Variants in SNAP91 observed in about 807,000 individuals in gnomAD.
SNAP91 encodes the protein clathrin coat assembly protein AP180.
In SNAP91, 27 loss-of-function variants were observed where a neutral mutation model predicts 100.3. The observed-to-expected ratio is 0.27, with a 90% confidence interval of 0.20 to 0.37. The LOEUF (loss-of-function observed/expected upper bound fraction) is 0.37. Among genes scored for constraint, SNAP91 ranks in the 10% least tolerant of loss-of-function variants. SNAP91 has a pLI of 1.00. For missense variants in SNAP91, 986 were observed against 1,123.7 expected, an observed-to-expected ratio of 0.88 and a Z score of 1.75; for synonymous variants, 404 against 398.6, an observed-to-expected ratio of 1.01 and a Z score of -0.16.
At chr6:83,565,099 T>C (rs1794747542) in intron 26 of SNAP91, among the ~76,000 whole-genome samples, 1 of 151,512 alleles carries the variant, frequency 6.6e-6, no homozygotes, top group Admixed American at 6.6e-5. Context: ...CTAAGGATGT[T>C]ATAGGGTAGC....
chr6:83,560,357 A>C (rs1785176623), intron 27 of SNAP91, 149 bp from the exon 28 acceptor site: 1 of 649,338 alleles, frequency 1.5e-6, no homozygotes, highest in Non-Finnish European at 2.7e-6. Context: ...ATTAGGGATA[A>C]TGTGAGGCTG....
At chr6:83,601,213 A>T in intron 16 of SNAP91, 58 bp downstream of exon 16, 1 of 1,574,040 alleles carries the variant, frequency 6.4e-7, no homozygotes. Flanking sequence ...AAAGACCTTA[A>T]CTCCCAAGTA....
intron 10 of SNAP91, 38 bp from the exon 11 acceptor site, chr6:83,614,900 G>C (rs775512880): frequency 1.3e-6 from 2 of 1,549,384 alleles, no homozygotes; most frequent in Non-Finnish European, 1.8e-6. Context: ...ACAAAGAAGA[G>C]AATAGTTAAC....
At chr6:83,586,922 C>T (rs1301114681) in intron 22 of SNAP91, among the ~76,000 whole-genome samples, 1 of 151,790 alleles carries the variant, frequency 6.6e-6, no homozygotes, top group Non-Finnish European at 1.5e-5. Flanking sequence ...ACTGCATGCA[C>T]CAAACACCTT....
chr6:83,613,830 T>G (rs564257518), intron 11 of SNAP91, among the ~76,000 whole-genome samples: 1 of 152,230 alleles, frequency 6.6e-6, no homozygotes, highest in Non-Finnish European at 1.5e-5. Flanking sequence ...CATTTACATA[T>G]AGACAATATT....
rs747428612 is a variant in SNAP91 at position 83,610,710 on chromosome 6, AATATATATATAT to A, written c.885-45_885-34del. 17 of 211,562 alleles carry A rather than the reference AATATATATATAT, an allele frequency of 8.0e-5. 1 individual carries two copies. The highest frequency in any genetic ancestry group is 2.5e-4 in the Admixed American group (4 of 16,068). The allele number at this position is 211,562 out of a possible 1,614,324, so 13.1% of individuals were successfully genotyped here. A position where few individuals can be genotyped will look rare whatever the true frequency, so the allele number is the denominator to read the frequency against. ...GCAACATAAAAAAAAATTAAAACTG[AATATATATATAT>A]ATATATATATATATATATATATATA... On this transcript the variant is annotated intron_variant, in intron 11 of 29. Transcript: ENST00000369694.
intron 2 of SNAP91, among the ~76,000 whole-genome samples, chr6:83,688,154 T>C (rs2099085447): frequency 6.6e-6 from 1 of 152,198 alleles, no homozygotes; most frequent in Admixed American, 6.5e-5. Context: ...TCCTTTCAAA[T>C]CTAGTCTCTC....
At chr6:83,575,307 AAAGCATTTG>A in intron 25 of SNAP91, 186 bp from the exon 26 acceptor site, 1 of 582,036 alleles carries the variant, frequency 1.7e-6, no homozygotes, top group Non-Finnish European at 3.0e-6. Context: ...AGAAAGCTTA[AAAGCATTTG>A]AAAAAAAATC....
chr6:83,673,447 T>C (rs185971778), intron 2 of SNAP91, among the ~76,000 whole-genome samples: 43 of 152,278 alleles, frequency 2.8e-4, no homozygotes, highest in Non-Finnish European at 5.9e-4. Flanking sequence ...ACTTCCTATC[T>C]CCAGAACTGT....
chr6:83,642,151 T>C (rs2097731095), intron 7 of SNAP91, among the ~76,000 whole-genome samples: 1 of 120,008 alleles, frequency 8.3e-6, no homozygotes, highest in South Asian at 2.5e-4. Flanking sequence ...TTGCACATGG[T>C]TTAAAATATG....
At chr6:83,606,315 T>C (rs932711053) in intron 13 of SNAP91, among the ~76,000 whole-genome samples, 1 of 152,248 alleles carries the variant, frequency 6.6e-6, no homozygotes, top group Non-Finnish European at 1.5e-5. Context: ...ATTTATCTTT[T>C]TCCTACGTTA....
intron 22 of SNAP91, among the ~76,000 whole-genome samples, chr6:83,583,742 T>A (rs1268385654): frequency 6.6e-6 from 1 of 152,156 alleles, no homozygotes; most frequent in Non-Finnish European, 1.5e-5. Context: ...TCAAAAAACA[T>A]CCTTAAGTTT....
intron 9 of SNAP91, among the ~76,000 whole-genome samples, chr6:83,617,931 T>C (rs2096566536): frequency 6.6e-6 from 1 of 151,872 alleles, no homozygotes; most frequent in Non-Finnish European, 1.5e-5. Context: ...ATAACTACCC[T>C]TATAGGTATA....
chr6:83,560,821 T>G (rs183089026), intron 27 of SNAP91, 43 bp downstream of exon 27: 1,659 of 1,530,158 alleles, frequency 1.1e-3, no homozygotes, highest in Non-Finnish European at 1.4e-3. Context: ...GGCAAATTAT[T>G]TAGAAATGTT....
chr6:83,604,281 T>C (rs990117881), intron 14 of SNAP91, among the ~76,000 whole-genome samples: 21 of 152,140 alleles, frequency 1.4e-4, no homozygotes, highest in African/African-American at 5.1e-4. Flanking sequence ...AAAATCTCTT[T>C]AGCAATATTT....
At chr6:83,599,984 T>C (rs1359965436) in intron 16 of SNAP91, among the ~76,000 whole-genome samples, 1 of 152,108 alleles carries the variant, frequency 6.6e-6, no homozygotes, top group Non-Finnish European at 1.5e-5. Context: ...AAGGTCTCAC[T>C]ATATTGCCCA....
chr6:83,567,607 A>C (rs894541297), intron 26 of SNAP91, among the ~76,000 whole-genome samples: 19 of 152,218 alleles, frequency 1.2e-4, no homozygotes, highest in African/African-American at 4.1e-4. Flanking sequence ...CTCATCTGAC[A>C]AAGGGCTAAT....
intron 21 of SNAP91, among the ~76,000 whole-genome samples, chr6:83,591,820 G>A (rs1020266092): frequency 2.6e-5 from 4 of 152,124 alleles, no homozygotes; most frequent in Non-Finnish European, 4.4e-5. Context: ...ATGCTTCAAT[G>A]TACAGGAGGT....
At chr6:83,698,778 T>C (rs2099255210) in intron 2 of SNAP91, among the ~76,000 whole-genome samples, 2 of 152,254 alleles carry the variant, frequency 1.3e-5, no homozygotes, top group East Asian at 1.9e-4. Flanking sequence ...GTTCATGAGT[T>C]TGCAGATTCT....
Sources: gnomAD v4.1 joint callset for allele counts (sites outside exome capture counted in the v4.1 genomes callset) on GRCh38, gnomAD v4.1.1 for gene constraint, MANE v1.5 for transcripts, NCBI Gene and HGNC (gene_info 2026-07-23, HGNC 2026-07-21) for gene names.